Variants in CTBS observed in about 807,000 individuals in gnomAD.
CTBS encodes di-N-acetylchitobiase.
Under a neutral mutation model 44.3 loss-of-function variants are expected in CTBS, and 35 were observed. The ratio of observed to expected loss-of-function variants is 0.79; its 90% CI spans 0.60 to 1.05. The LOEUF is 1.05. Ranked by LOEUF, CTBS falls within the 50% of genes least tolerant of loss-of-function variation. The pLI is 0.00. For missense variants in CTBS, 458 were observed against 475.3 expected (o/e 0.96, Z 0.34); for synonymous variants, 143 against 168.0 (o/e 0.85, Z 1.15).
At position 84,553,656 on chromosome 1, in the gene CTBS, C is replaced by T. The variant is rs1422874337; in HGVS notation, c.*1343G>A. On this transcript the variant is annotated 3_prime_UTR_variant, in exon 7 of 7. Transcript: ENST00000370630. ...TTCATTTATTTTAGAAATATGAAGA[C>T]AACAGTGATCCAACATATACTATGA... The T allele has an allele frequency of 6.6e-6, 1 of 152,088 alleles. No individual in the cohort carries two copies. Among genetic ancestry groups the T allele is most frequent in the African/African-American group, 2.4e-5 (1 of 41,388 alleles). 9.4% of individuals were successfully genotyped at this position (152,088 alleles called of 1,614,324 possible).
Position 84,550,300 on chromosome 1 carries a change from T to A in CTBS, c.*4699A>T. 1 of 438,314 alleles carries A rather than the reference T, an allele frequency of 2.3e-6. No homozygotes were observed. Among genetic ancestry groups the A allele is most frequent in the Non-Finnish European group, 4.0e-6 (1 of 252,336 alleles). The allele number at this position is 438,314 out of a possible 1,614,324, so 27.2% of individuals were successfully genotyped here. A position where few individuals can be genotyped will look rare whatever the true frequency, so the allele number is the denominator to read the frequency against. On this transcript the variant is annotated 3_prime_UTR_variant, in exon 7 of 7. Transcript: ENST00000370630. ...GTAATTTCTCCAAAGCAATTTAGTT[T>A]ACTTTACGGAATAGGTTATTTTCAT...
chr1:84,565,775 T>G, intron 4 of CTBS, 66 bp downstream of exon 4: 2 of 923,454 alleles, frequency 2.2e-6, no homozygotes, highest in Non-Finnish European at 2.9e-6. Flanking sequence ...ACTAAAAACA[T>G]CTTAATATTT....
chr1:84,562,349 G>A (rs1558626873), intron 6 of CTBS, among the ~76,000 whole-genome samples: 1 of 152,060 alleles, frequency 6.6e-6, no homozygotes, highest in Non-Finnish European at 1.5e-5. Context: ...TCACTAATAG[G>A]TATATACTTT....
intron 6 of CTBS, 62 bp from the exon 7 acceptor site, chr1:84,555,261 A>G: frequency 7.6e-7 from 1 of 1,313,210 alleles, no homozygotes; most frequent in Non-Finnish European, 1.0e-6. Context: ...ACCACAGGAA[A>G]GGGAAAAATA....
Position 84,553,639 on chromosome 1 carries a change from T to A in CTBS, c.*1360A>T, listed in dbSNP as rs967278493. On this transcript the variant is annotated 3_prime_UTR_variant, in exon 7 of 7. Transcript: ENST00000370630. ...GAATTTAAATTTTTTAATTCATTTATTTTAGAAATATGAAGACAACAGTGA... is the reference window on the plus strand; with the variant it reads ...GAATTTAAATTTTTTAATTCATTTAATTTAGAAATATGAAGACAACAGTGA... 8 of 152,228 alleles carry A rather than the reference T, an allele frequency of 5.3e-5. No individual in the cohort carries two copies. Among genetic ancestry groups the A allele is most frequent in the Non-Finnish European group, 1.5e-5 (1 of 68,090 alleles). 9.4% of individuals were successfully genotyped at this position (152,228 alleles called of 1,614,324 possible). A position where few individuals can be genotyped will look rare whatever the true frequency, so the allele number is the denominator to read the frequency against.
chr1:84,560,116 A>AGAAAGAAAGAAAG (rs1200474225), intron 6 of CTBS, among the ~76,000 whole-genome samples: 2 of 150,004 alleles, frequency 1.3e-5, no homozygotes, highest in Non-Finnish European at 3.0e-5. Context: ...AAAGAAAGAA[A>AGAAAGAAAGAAAG]GAAAGAAAGA....
chr1:84,562,607 C>G (rs543087883), intron 6 of CTBS, among the ~76,000 whole-genome samples: 1 of 151,994 alleles, frequency 6.6e-6, no homozygotes, highest in Non-Finnish European at 1.5e-5. Context: ...TGTGGAAGAG[C>G]CTTTATAATG....
intron 6 of CTBS, among the ~76,000 whole-genome samples, chr1:84,560,418 A>T (rs1056353662): frequency 2.6e-5 from 4 of 152,144 alleles, no homozygotes; most frequent in Non-Finnish European, 4.4e-5. Flanking sequence ...GCATTAGCTC[A>T]TGCCCTTTAT....
chr1:84,560,721 T>C (rs1684579250), intron 6 of CTBS, among the ~76,000 whole-genome samples: 2 of 152,200 alleles, frequency 1.3e-5, no homozygotes, highest in Non-Finnish European at 2.9e-5. Context: ...TAACTTTAAG[T>C]TGAAGCCAGT....
intron 1 of CTBS, chr1:84,573,960 A>G: frequency 7.5e-7 from 1 of 1,337,622 alleles, no homozygotes; most frequent in Non-Finnish European, 9.6e-7. Context: ...GAGGCACAGC[A>G]GGGGAATGAA....
rs1031384560 is a variant in CTBS at position 84,550,282 on chromosome 1, C to A, written c.*4717G>T. The A allele has an allele frequency of 1.2e-5, 5 of 406,092 alleles. No homozygotes were observed. Among genetic ancestry groups the A allele is most frequent in the South Asian group, 2.2e-4 (2 of 8,932 alleles). 25.2% of individuals were successfully genotyped at this position (406,092 alleles called of 1,614,324 possible). On this transcript the variant is annotated 3_prime_UTR_variant, in exon 7 of 7. Transcript: ENST00000370630. ...AATCAACAGAAACAAATAGTAATTT[C>A]TCCAAAGCAATTTAGTTTACTTTAC...
intron 1 of CTBS, among the ~76,000 whole-genome samples, 183 bp from the exon 2 acceptor site, chr1:84,570,903 G>A (rs773701086): frequency 2.0e-5 from 3 of 152,204 alleles, no homozygotes; most frequent in Admixed American, 6.5e-5. Context: ...TGGGAAAGAG[G>A]GGAAGGATGG....
rs766598230 is a variant in CTBS, at chr1:84,551,953, C to T, written c.*3046G>A. The stretch of plus-strand genomic sequence containing the variant: ...GTAATCTTTGTATATTTTAACATTA[C>T]AAATGTCACTCATGGTTTGAACTCA... On this transcript the variant is annotated 3_prime_UTR_variant, in exon 7 of 7. Coordinates refer to ENST00000370630, the MANE Select transcript of CTBS (RefSeq NM_004388.3). 4 of 152,110 alleles carry T rather than the reference C, an allele frequency of 2.6e-5. No homozygotes were observed. The highest frequency in any genetic ancestry group is 6.6e-5 in the Admixed American group (1 of 15,260). The allele number at this position is 152,110 out of a possible 1,614,324, so 9.4% of individuals were successfully genotyped here. A position where few individuals can be genotyped will look rare whatever the true frequency, so the allele number is the denominator to read the frequency against.
chr1:84,574,420 G>C lies in CTBS; in HGVS notation c.-5C>G, dbSNP rs1473869781. On this transcript the variant is annotated 5_prime_UTR_variant, in exon 1 of 7. Transcript: ENST00000370630. The stretch of plus-strand genomic sequence containing the variant: ...TCGAAGCTGCGGCCGGGACATAGCA[G>C]CAGGTCTAGCGGGCCGGAGTGGGTT... 1 of 1,540,316 alleles carries C rather than the reference G, an allele frequency of 6.5e-7. No homozygotes were observed. Among genetic ancestry groups the C allele is most frequent in the Non-Finnish European group, 8.7e-7 (1 of 1,145,282 alleles).
At chr1:84,561,421 T>G (rs1445039743) in intron 6 of CTBS, among the ~76,000 whole-genome samples, 1 of 152,244 alleles carries the variant, frequency 6.6e-6, no homozygotes, top group Admixed American at 6.5e-5. Flanking sequence ...AGAAAGTAGT[T>G]TCTTGAGAAT....
rs1053486849 is a variant in CTBS, at chr1:84,553,785, G to A, written c.*1214C>T. Reference sequence around the variant, plus strand: ...GTATTCCAATTTACAGGGGCAAAATGTGCAGGGAAGCCAGGATTTATGTAA... The same window carrying A: ...GTATTCCAATTTACAGGGGCAAAATATGCAGGGAAGCCAGGATTTATGTAA... On this transcript the variant is annotated 3_prime_UTR_variant, in exon 7 of 7. Transcript: ENST00000370630. 2.0e-5 allele frequency: 3 copies of A among 152,148 alleles called. No individual in the cohort carries two copies. The highest frequency in any genetic ancestry group is 2.9e-5 in the Non-Finnish European group (2 of 68,030). The allele number at this position is 152,148 out of a possible 1,614,324, so 9.4% of individuals were successfully genotyped here.
chr1:84,574,022 A>C, intron 1 of CTBS: 1 of 1,401,130 alleles, frequency 7.1e-7, no homozygotes, highest in East Asian at 2.7e-5. Context: ...CTGCCTACGC[A>C]GGCACTTACA....
chr1:84,557,259 G>A (rs774670074), intron 6 of CTBS, among the ~76,000 whole-genome samples: 6 of 152,146 alleles, frequency 3.9e-5, no homozygotes, highest in African/African-American at 9.7e-5. Flanking sequence ...GGGGCCAGGC[G>A]CGATGGCTTA....
chr1:84,570,231 G>T, intron 2 of CTBS, 92 bp from the exon 3 acceptor site: 1 of 980,890 alleles, frequency 1.0e-6, no homozygotes, highest in Non-Finnish European at 1.5e-6. Flanking sequence ...TTCCAATGGA[G>T]AAAGAATATA....
Sources: allele counts gnomAD v4.1 joint callset (sites outside exome capture counted in the v4.1 genomes callset), GRCh38; gene constraint gnomAD v4.1.1; transcripts MANE v1.5; gene names NCBI Gene and HGNC (gene_info 2026-07-23, HGNC 2026-07-21).